The following ZW10 variants were observed in gnomAD, a reference collection of about 807,000 sequenced individuals.
ZW10 encodes the protein zw10 kinetochore protein, also known as centromere/kinetochore protein zw10 homolog.
Under a neutral mutation model 87.8 loss-of-function variants are expected in ZW10, and 53 were observed. The ratio of observed to expected loss-of-function variants is 0.60; its 90% CI spans 0.48 to 0.76. The LOEUF (loss-of-function observed/expected upper bound fraction) is 0.76, where lower values mean the gene tolerates loss of function less well. ZW10 is among the 30% of genes least tolerant of loss of function. The pLI, the probability that ZW10 is intolerant of heterozygous loss-of-function variation, is 0.00. For missense variants in ZW10, 837 were observed against 923.0 expected (o/e 0.91, Z 1.21); for synonymous variants, 312 against 329.2 (o/e 0.95, Z 0.57).
Position 113,756,247 on chromosome 11 carries a change from T to TA in ZW10, c.925+1414dup, listed in dbSNP as rs540473008. Among the ~76,000 whole-genome samples, 434 of 152,220 alleles carry TA rather than the reference T, an allele frequency of 2.9e-3. 2 individuals carry two copies. Among genetic ancestry groups the TA allele is most frequent in the African/African-American group, 0.01 (422 of 41,538 alleles). ...CACATCAAGAAGGCCATCTGCAAGA[T>TA]AAGAGAGGCTTCAGGAAAAACCAAA... On this transcript the variant is annotated intron_variant, in intron 7 of 15. Coordinates refer to ENST00000200135, the MANE Select transcript of ZW10 (RefSeq NM_004724.4).
chr11:113,739,566 G>A (rs1319159508), intron 11 of ZW10, among the ~76,000 whole-genome samples, 184 bp from the exon 12 acceptor site: 2 of 152,184 alleles, frequency 1.3e-5, no homozygotes, highest in Admixed American at 1.3e-4. Flanking sequence ...CTGCCTGAAT[G>A]GGATTTTATC....
rs1305993652 is a variant in ZW10 at position 113,744,050 on chromosome 11, A to G, written c.1273-10T>C. 6.3e-7 allele frequency: 1 copy of G among 1,580,030 alleles called. No homozygotes were observed. Among genetic ancestry groups the G allele is most frequent in the Non-Finnish European group, 8.7e-7 (1 of 1,150,336 alleles). On this transcript the variant is annotated splice_polypyrimidine_tract_variant and intron_variant, in intron 9 of 15. Coordinates refer to ENST00000200135, the MANE Select transcript of ZW10 (RefSeq NM_004724.4). ...TAGAATCAGGAATAATCTAAGATTC[A>G]AACACAAAAATACAGAAAATATATT... is the stretch of plus-strand genomic sequence containing the variant.
At chr11:113,765,859 C>T (rs1953902886) in intron 2 of ZW10, among the ~76,000 whole-genome samples, 1 of 152,078 alleles carries the variant, frequency 6.6e-6, no homozygotes, top group Non-Finnish European at 1.5e-5. Context: ...ATGGTGTCTC[C>T]CTCCAAAGCA....
rs112995495 is a variant in ZW10 at position 113,757,107 on chromosome 11, T to TA, written c.925+554dup. ...ACATAGAAGGTAAATCAAATAGACT[T>TA]AAAAAAAAAAAAAAGCAGTATTAAA... is the stretch of plus-strand genomic sequence containing the variant. On this transcript the variant is annotated intron_variant, in intron 7 of 15. Coordinates refer to ENST00000200135, the MANE Select transcript of ZW10 (RefSeq NM_004724.4). 1.9e-3 allele frequency among the ~76,000 whole-genome samples: 265 copies of TA among 137,046 alleles called. 1 individual carries two copies. The highest frequency in any genetic ancestry group is 4.8e-3 in the East Asian group (23 of 4,840). 89.9% of individuals were successfully genotyped at this position (137,046 alleles called of 152,430 possible). A position where few individuals can be genotyped will look rare whatever the true frequency, so the allele number is the denominator to read the frequency against.
At chr11:113,760,952 C>T in intron 2 of ZW10, 34 bp from the exon 3 acceptor site, 1 of 1,545,464 alleles carries the variant, frequency 6.5e-7, no homozygotes, top group Non-Finnish European at 8.9e-7. Flanking sequence ...TACTTTTAAG[C>T]TATACCATAC....
intron 6 of ZW10, 131 bp from the exon 7 acceptor site, chr11:113,757,984 C>A: frequency 1.6e-6 from 1 of 615,900 alleles, no homozygotes; most frequent in Non-Finnish European, 2.6e-6. Flanking sequence ...CCAGCCTGGC[C>A]AACATGGTGA....
intron 2 of ZW10, among the ~76,000 whole-genome samples, chr11:113,762,933 A>G (rs1359335220): frequency 6.6e-6 from 1 of 152,234 alleles, no homozygotes; most frequent in Admixed American, 6.5e-5. Flanking sequence ...CATGTGCAGA[A>G]CACGCAGGTT....
intron 7 of ZW10, 149 bp downstream of exon 7, chr11:113,757,513 G>A (rs1194988211): frequency 3.6e-6 from 2 of 561,076 alleles, no homozygotes; most frequent in East Asian, 6.9e-5. Context: ...AAAACAAGAA[G>A]GCAACTCTTT....
At chr11:113,750,872 T>C (rs540233028) in intron 7 of ZW10, among the ~76,000 whole-genome samples, 2 of 151,948 alleles carry the variant, frequency 1.3e-5, no homozygotes, top group Admixed American at 1.3e-4. Context: ...TTTTTTTTAA[T>C]TTTCTTAAAA....
Position 113,733,783 on chromosome 11 carries a change from C to T in ZW10, c.2251G>A (p.Ala751Thr). Residue 751 changes from alanine (A) to threonine (T), a missense_variant, in exon 16 of 16, where the codon GCG becomes ACG. Transcript: ENST00000200135. Reference protein sequence around the residue: ...WADGKGPLAAAFSSSEVKALI... With the variant: ...WADGKGPLAATFSSSEVKALI... ...GCTTTTACTTCACTGGAAGAGAACGCAGCTGCCAGGGGTCCTTTTCCATCT... is the reference window on the plus strand; with the variant it reads ...GCTTTTACTTCACTGGAAGAGAACGTAGCTGCCAGGGGTCCTTTTCCATCT... 6.2e-7 allele frequency: 1 copy of T among 1,611,930 alleles called. No homozygotes were observed. The highest frequency in any genetic ancestry group is 8.5e-7 in the Non-Finnish European group (1 of 1,178,586).
intron 11 of ZW10, among the ~76,000 whole-genome samples, chr11:113,740,544 A>G (rs972661901): frequency 3.3e-5 from 5 of 152,200 alleles, no homozygotes; most frequent in Non-Finnish European, 7.3e-5. Flanking sequence ...TGATTGCACC[A>G]CTGCACTCCA....
chr11:113,735,913 C>T (rs1443902903), intron 15 of ZW10, among the ~76,000 whole-genome samples: 2 of 152,078 alleles, frequency 1.3e-5, no homozygotes, highest in Admixed American at 6.5e-5. Flanking sequence ...TAGTCTGATG[C>T]TCAATATTTC....
At chr11:113,741,873 G>T (rs1248721334) in intron 10 of ZW10, 108 bp from the exon 11 acceptor site, 1 of 655,102 alleles carries the variant, frequency 1.5e-6, no homozygotes, top group Non-Finnish European at 2.6e-6. Context: ...TAAAACTACA[G>T]TTGCACAGAA....
At chr11:113,767,777 T>G (rs1298373749) in intron 2 of ZW10, among the ~76,000 whole-genome samples, 5 of 152,208 alleles carry the variant, frequency 3.3e-5, no homozygotes, top group African/African-American at 1.2e-4. Flanking sequence ...CTTGCTTACC[T>G]TTCTAATTTC....
At position 113,768,918 on chromosome 11, in the gene ZW10, C is replaced by G; in HGVS notation, c.155G>C (p.Ser52Thr). 1 of 1,614,144 alleles carries G rather than the reference C, an allele frequency of 6.2e-7. No homozygotes were observed. The highest frequency in any genetic ancestry group is 8.5e-7 in the Non-Finnish European group (1 of 1,180,000). The stretch of plus-strand genomic sequence containing the variant: ...AATCAGGCCCTGCGCGCTCTGCATG[C>G]TAGGCAGGAATTCACTGTACTTCTT... ...ISKKYSEFLPSMQSAQGLITQ... is the reference protein window; with the variant it reads ...ISKKYSEFLPTMQSAQGLITQ... Residue 52 changes from serine to threonine, a missense_variant, in exon 2 of 16, where the codon AGC (serine) becomes ACC (threonine). Physicochemically the swap from Ser to Thr is moderately conservative, Grantham distance 58 (BLOSUM62 1). Coordinates refer to ENST00000200135, the MANE Select transcript of ZW10 (RefSeq NM_004724.4).
chr11:113,744,083 G>T (rs773491547), intron 9 of ZW10, 43 bp from the exon 10 acceptor site: 8 of 1,519,472 alleles, frequency 5.3e-6, no homozygotes, highest in Non-Finnish European at 3.6e-6. Flanking sequence ...ATTGTTTTCA[G>T]AATAATTCAA....
At chr11:113,761,127 C>A (rs1331965891) in intron 2 of ZW10, among the ~76,000 whole-genome samples, 1 of 152,118 alleles carries the variant, frequency 6.6e-6, no homozygotes, top group Non-Finnish European at 1.5e-5. Flanking sequence ...TGCAAGAATA[C>A]CCATTCCTCT....
Position 113,733,396 on chromosome 11 carries a change from C to T in ZW10, c.*298G>A, listed in dbSNP as rs1953512169. On this transcript the variant is annotated 3_prime_UTR_variant, in exon 16 of 16. Coordinates refer to ENST00000200135, the MANE Select transcript of ZW10 (RefSeq NM_004724.4). ...CTGCATTTACAATGTATATAGCTCC[C>T]AGAGGGCTCTGGAAGCAGCATGAAA... 3.0e-6 allele frequency: 1 copy of T among 331,478 alleles called. No individual in the cohort carries two copies. Among genetic ancestry groups the T allele is most frequent in the Non-Finnish European group, 5.6e-6 (1 of 179,200 alleles). The allele number at this position is 331,478 out of a possible 1,614,324, so 20.5% of individuals were successfully genotyped here.
At chr11:113,749,909 A>AT (rs1414147918) in intron 7 of ZW10, among the ~76,000 whole-genome samples, 1 of 152,094 alleles carries the variant, frequency 6.6e-6, no homozygotes, top group Non-Finnish European at 1.5e-5. Flanking sequence ...TCCCAACATG[A>AT]TTTTTTTCTC....
Sources: gnomAD v4.1 joint callset for allele counts (sites outside exome capture counted in the v4.1 genomes callset) on GRCh38, gnomAD v4.1.1 for gene constraint, MANE v1.5 for transcripts, NCBI Gene and HGNC (gene_info 2026-07-23, HGNC 2026-07-21) for gene names.